The following ZNF584 variants were observed in gnomAD, a reference collection of about 807,000 sequenced individuals.
ZNF584 encodes the protein zinc finger protein 584.
A neutral mutation model predicts 14.7 loss-of-function variants in ZNF584; 12 were observed. That is an observed-to-expected ratio of 0.82 (90% CI 0.52 to 1.32). The LOEUF is 1.32. ZNF584 is among the 40% of genes most tolerant of loss of function. The pLI, the probability that ZNF584 is intolerant of heterozygous loss-of-function variation, is 0.00. For missense variants in ZNF584, 478 were observed against 518.8 expected (o/e 0.92, Z 0.76); for synonymous variants, 204 against 190.9 (o/e 1.07, Z -0.57).
Position 58,416,794 on chromosome 19 carries a change from T to A in ZNF584, c.293-17T>A. 6.5e-7 allele frequency: 1 copy of A among 1,526,802 alleles called. No individual in the cohort carries two copies. The highest frequency in any genetic ancestry group is 2.3e-5 in the East Asian group (1 of 44,244). 94.6% of individuals were successfully genotyped at this position (1,526,802 alleles called of 1,614,324 possible). ...CCTCTAGTTCAACTCTTAGTAATGA[T>A]TCATCTCTGCTTTCAGATGGTTTGT... On this transcript the variant is annotated splice_polypyrimidine_tract_variant and intron_variant, in intron 3 of 3. Coordinates refer to ENST00000306910, the MANE Select transcript of ZNF584 (RefSeq NM_173548.3).
At chr19:58,409,836 T>G (rs762775089) in intron 1 of ZNF584, 105 bp from the exon 2 acceptor site, 71 of 1,358,220 alleles carry the variant, frequency 5.2e-5, no homozygotes, top group Non-Finnish European at 6.9e-5. Flanking sequence ...GGAAAGATAA[T>G]GTCAGGGGGA....
intron 2 of ZNF584, among the ~76,000 whole-genome samples, chr19:58,414,777 C>G (rs1455964143): frequency 1.3e-5 from 2 of 152,130 alleles, no homozygotes; most frequent in East Asian, 1.9e-4. Flanking sequence ...CATTGTTGTT[C>G]AAGTCTGCTG....
In ZNF584 at chr19:58,417,070, G is replaced by A; in HGVS notation, c.552G>A (p.Glu184=). 3 of 1,613,870 alleles carry A rather than the reference G, an allele frequency of 1.9e-6. No homozygotes were observed. Among genetic ancestry groups the A allele is most frequent in the Non-Finnish European group, 2.5e-6 (3 of 1,179,806 alleles). Residue 184 remains glutamate, a synonymous_variant, in exon 4 of 4, where the codon GAG becomes GAA. Coordinates refer to ENST00000306910, the MANE Select transcript of ZNF584 (RefSeq NM_173548.3). ...ACCATCTGATAACGCATTCTGAAGAGAGACCCTTCAGATGCCCAACAGGCA... is the reference window on the plus strand; with the variant it reads ...ACCATCTGATAACGCATTCTGAAGAAAGACCCTTCAGATGCCCAACAGGCA... The part of the protein sequence containing the change: ...LLDHLITHSE[E]RPFRCPTGRS...
At position 58,408,904 on chromosome 19, in the gene ZNF584, A is replaced by T. The variant is rs1316368595; in HGVS notation, c.-244A>T. 2.1e-5 allele frequency: 9 copies of T among 421,702 alleles called. No homozygotes were observed. The highest frequency in any genetic ancestry group is 3.4e-5 in the Non-Finnish European group (8 of 237,632). 26.1% of individuals were successfully genotyped at this position (421,702 alleles called of 1,614,324 possible). ...CCGCGCCTTCCACGCGCCGTGCCCC[A>T]CCGGCGAGTGGCTCCATCTTCCTCA... is the stretch of plus-strand genomic sequence containing the variant. On this transcript the variant is annotated 5_prime_UTR_variant, in exon 1 of 4. Transcript: ENST00000306910.
In ZNF584 at chr19:58,408,958, G is replaced by A. The variant is rs1439342405; in HGVS notation, c.-190G>A. 5.2e-6 allele frequency: 3 copies of A among 578,518 alleles called. No homozygotes were observed. Among genetic ancestry groups the A allele is most frequent in the Non-Finnish European group, 8.3e-6 (3 of 360,484 alleles). The allele number at this position is 578,518 out of a possible 1,614,324, so 35.8% of individuals were successfully genotyped here. A position where few individuals can be genotyped will look rare whatever the true frequency, so the allele number is the denominator to read the frequency against. On this transcript the variant is annotated 5_prime_UTR_variant, in exon 1 of 4. Transcript: ENST00000306910. Reference sequence around the variant, plus strand: ...TTATCGCTCGCGGACAGGCGCCGTGGGTCTCCCGGGCCTCCGTACCGTCCT... The same window carrying A: ...TTATCGCTCGCGGACAGGCGCCGTGAGTCTCCCGGGCCTCCGTACCGTCCT...
Position 58,417,175 on chromosome 19 carries a change from T to C in ZNF584, c.657T>C (p.Cys219=). 1 of 1,613,746 alleles carries C rather than the reference T, an allele frequency of 6.2e-7. No homozygotes were observed. Among genetic ancestry groups the C allele is most frequent in the Non-Finnish European group, 8.5e-7 (1 of 1,179,698 alleles). The change falls in exon 4 of 4, where the codon TGT becomes TGC. Residue 219 remains cysteine, a synonymous_variant. Coordinates refer to ENST00000306910, the MANE Select transcript of ZNF584 (RefSeq NM_173548.3). ...TGETAHVCNE[C]GKAFSYPSKL... ...AAACAGCCCATGTGTGTAATGAATG[T>C]GGGAAGGCCTTCAGTTACCCGTCTA... is the stretch of plus-strand genomic sequence containing the variant.
At chr19:58,412,889 G>A (rs1016821462) in intron 2 of ZNF584, among the ~76,000 whole-genome samples, 2 of 152,094 alleles carry the variant, frequency 1.3e-5, no homozygotes, top group African/African-American at 4.8e-5. Flanking sequence ...GATAGTTTGT[G>A]TCTACTTGGG....
At chr19:58,404,929 C>T (rs1320148776), upstream of ZNF584, 156 of 156,828 alleles carry the variant, frequency 9.9e-4, no homozygotes, top group African/African-American at 3.7e-3. Context: ...CCTCACTTCC[C>T]AGTAGGGGCG....
intron 2 of ZNF584, among the ~76,000 whole-genome samples, chr19:58,414,505 A>ATTT (rs35228695): frequency 0.21 from 30,762 of 148,558 alleles, 3,463 homozygotes; most frequent in Non-Finnish European, 0.27. Context: ...TGCCCGGGTA[A>ATTT]TTTTTTTTTT....
Position 58,417,754 on chromosome 19 carries a change from C to T in ZNF584, c.1236C>T (p.Asp412=), listed in dbSNP as rs140418857. 2.5e-6 allele frequency: 4 copies of T among 1,612,230 alleles called. No individual in the cohort carries two copies. The African/African-American group carries it at 5.3e-5, about 22-fold the overall frequency. ...KVHTPERRQE[D]RAHGKVVSC ...ATACTCCAGAAAGGCGTCAGGAGGA[C>T]AGGGCACATGGGAAGGTCGTTAGCT... The change falls in exon 4 of 4, where the codon GAC becomes GAT. Residue 412 remains aspartate (D), a synonymous_variant. Coordinates refer to ENST00000306910, the MANE Select transcript of ZNF584 (RefSeq NM_173548.3).
In ZNF584 at chr19:58,416,806, T is replaced by C. The variant is rs1461297974; in HGVS notation, c.293-5T>C. ...CTCTTAGTAATGATTCATCTCTGCT[T>C]TCAGATGGTTTGTGTAGAGTGGAGG... On this transcript the variant is annotated splice_region_variant and splice_polypyrimidine_tract_variant and intron_variant, in intron 3 of 3. Transcript: ENST00000306910. 1 of 1,529,474 alleles carries C rather than the reference T, an allele frequency of 6.5e-7. No individual in the cohort carries two copies. Among genetic ancestry groups the C allele is most frequent in the East Asian group, 2.3e-5 (1 of 44,272 alleles). 94.7% of individuals were successfully genotyped at this position (1,529,474 alleles called of 1,614,324 possible).
At chr19:58,404,732 C>A (rs951894127), upstream of ZNF584, 52 of 221,518 alleles carry the variant, frequency 2.3e-4, no homozygotes, top group Admixed American at 1.7e-3. Context: ...ATGGCCCGTT[C>A]TCAACGAGCT....
In ZNF584 at chr19:58,416,960, C is replaced by A. The variant is rs2052651164; in HGVS notation, c.442C>A (p.Gln148Lys). ...TTTCCCACCTGGTTCCAGTTGTGGGCAACAGCAAGAAGTCCATGTGGCAGA... is the reference window on the plus strand; with the variant it reads ...TTTCCCACCTGGTTCCAGTTGTGGGAAACAGCAAGAAGTCCATGTGGCAGA... The part of the protein sequence containing the change: ...AAFPPGSSCG[Q>K]QQEVHVAEKL... Residue 148 changes from glutamine to lysine, a missense_variant, in exon 4 of 4, where the codon CAA becomes AAA. Physicochemically the swap from Gln to Lys is moderately conservative, Grantham distance 53 (BLOSUM62 1). Around this residue, in one of 3 missense-constraint regions of ZNF584, gnomAD observed 6 missense variants for 23.5 expected, o/e 0.26. Coordinates refer to ENST00000306910, the MANE Select transcript of ZNF584 (RefSeq NM_173548.3). The A allele has an allele frequency of 6.2e-7, 1 of 1,612,540 alleles. No homozygotes were observed. The highest frequency in any genetic ancestry group is 8.5e-7 in the Non-Finnish European group (1 of 1,179,212).
rs779840034 is a variant in ZNF584 at position 58,416,694 on chromosome 19, G to T, written c.293-117G>T. Reference sequence around the variant, plus strand: ...TGGGATTACAGGCGTGAGCCACCACGCCTGGCCCTTTCAGCAGTTCTATGG... The same window carrying T: ...TGGGATTACAGGCGTGAGCCACCACTCCTGGCCCTTTCAGCAGTTCTATGG... On this transcript the variant is annotated intron_variant, in intron 3 of 3. Transcript: ENST00000306910. 4 of 1,344,780 alleles carry T rather than the reference G, an allele frequency of 3.0e-6. No individual in the cohort carries two copies. The South Asian group carries it at 5.3e-5, about 18-fold the overall frequency. The allele number at this position is 1,344,780 out of a possible 1,614,324, so 83.3% of individuals were successfully genotyped here.
chr19:58,411,593 A>C (rs1043246281), intron 2 of ZNF584, among the ~76,000 whole-genome samples: 4 of 151,962 alleles, frequency 2.6e-5, no homozygotes, highest in Non-Finnish European at 5.9e-5. Context: ...TAATGAAATG[A>C]TCATGTGATT....
chr19:58,415,736 G>A (rs910823972), intron 3 of ZNF584, 90 bp downstream of exon 3: 2 of 1,610,896 alleles, frequency 1.2e-6, no homozygotes, highest in Non-Finnish European at 1.7e-6. Context: ...GGTGTTGAGG[G>A]CAGTGACCAT....
chr19:58,410,613 GTGTATA>G lies in ZNF584; in HGVS notation c.169+524_169+529del, dbSNP rs1568584672. On this transcript the variant is annotated intron_variant, in intron 2 of 3. Transcript: ENST00000306910. ...TATATGTATATATATGTATATATAT[GTGTATA>G]TATGTGTATATATGTGTATATATAT... Among the ~76,000 whole-genome samples the G allele has an allele frequency of 2.1e-4, 9 of 41,862 alleles. 1 individual carries two copies. The highest frequency in any genetic ancestry group is 1.1e-3 in the South Asian group (2 of 1,766). The allele number at this position is 41,862 out of a possible 152,430, so 27.5% of individuals were successfully genotyped here.
chr19:58,415,661 GGGGAA>G lies in ZNF584; in HGVS notation c.292+16_292+20del. The stretch of plus-strand genomic sequence containing the variant: ...TTTTGGTCTTGGTAAGTGGAGTGGA[GGGGAA>G]TACCTTGGTTTCAGCAGTGGGCTCA... On this transcript the variant is annotated intron_variant, in intron 3 of 3. Coordinates refer to ENST00000306910, the MANE Select transcript of ZNF584 (RefSeq NM_173548.3). 1 of 1,612,796 alleles carries G rather than the reference GGGGAA, an allele frequency of 6.2e-7. No individual in the cohort carries two copies. The highest frequency in any genetic ancestry group is 8.5e-7 in the Non-Finnish European group (1 of 1,179,142).
intron 2 of ZNF584, among the ~76,000 whole-genome samples, chr19:58,412,400 G>A (rs1400454038): frequency 1.3e-5 from 2 of 151,564 alleles, no homozygotes; most frequent in African/African-American, 2.4e-5. Flanking sequence ...TAGTAGAGAC[G>A]GGGTTTCACC....
Sources: gnomAD v4.1 joint callset for allele counts (sites outside exome capture counted in the v4.1 genomes callset) on GRCh38, gnomAD v4.1.1 for gene constraint, gnomAD v4.1.1 regional missense constraint, MANE v1.5 for transcripts, NCBI Gene and HGNC (gene_info 2026-07-23, HGNC 2026-07-21) for gene names.